ATXN7L1: variants seen among roughly 807,000 people sequenced by gnomAD.
ATXN7L1 encodes the protein ataxin-7-like protein 1.
ATXN7L1 carries 15 observed loss-of-function variants against 70.8 expected under a neutral mutation model. That is an observed-to-expected ratio of 0.21 (90% CI 0.14 to 0.33). The LOEUF (loss-of-function observed/expected upper bound fraction) is 0.33. Ranked by LOEUF, ATXN7L1 falls within the 10% of genes least tolerant of loss-of-function variation. The probability of loss-of-function intolerance (pLI) is 1.00; values close to 1 mark genes in which losing one functional copy is unlikely to be tolerated. For missense variants in ATXN7L1, 975 were observed against 1,097.1 expected, an observed-to-expected ratio of 0.89 and a Z score of 1.57; for synonymous variants, 440 against 445.1, an observed-to-expected ratio of 0.99 and a Z score of 0.14.
chr7:105,742,921 C>T (rs866636662), intron 3 of ATXN7L1, among the ~76,000 whole-genome samples: 3 of 152,090 alleles, frequency 2.0e-5, no homozygotes, highest in African/African-American at 7.2e-5. Flanking sequence ...TCCCACGATT[C>T]ACCTCTCCCC....
At chr7:105,637,816 C>T (rs182195050) in intron 7 of ATXN7L1, among the ~76,000 whole-genome samples, 15 of 152,332 alleles carry the variant, frequency 9.8e-5, no homozygotes, top group Non-Finnish European at 2.2e-4. Context: ...ACAACCTCTG[C>T]TATGCCAATT....
intron 9 of ATXN7L1, among the ~76,000 whole-genome samples, chr7:105,615,633 A>G (rs982501593): frequency 3.9e-5 from 6 of 152,262 alleles, no homozygotes; most frequent in Admixed American, 3.9e-4. Context: ...CACACCCCAC[A>G]CGGGTCTTCT....
At chr7:105,686,098 C>T (rs1325027493) in intron 3 of ATXN7L1, among the ~76,000 whole-genome samples, 2 of 151,374 alleles carry the variant, frequency 1.3e-5, no homozygotes, top group African/African-American at 4.9e-5. Flanking sequence ...GTTAGTTTCC[C>T]AACTTCCAGG....
chr7:105,848,319 A>G (rs1252550546), intron 2 of ATXN7L1, among the ~76,000 whole-genome samples: 1 of 152,208 alleles, frequency 6.6e-6, no homozygotes, highest in African/African-American at 2.4e-5. Context: ...CTAGAGGGCA[A>G]TTTAGCAATG....
chr7:105,613,926 T>A lies in ATXN7L1; in HGVS notation c.2408A>T (p.Lys803Ile). 1 of 1,552,178 alleles carries A rather than the reference T, an allele frequency of 6.4e-7. No homozygotes were observed. Among genetic ancestry groups the A allele is most frequent in the Non-Finnish European group, 8.7e-7 (1 of 1,147,036 alleles). Reference sequence around the variant, plus strand: ...TGCGAGAAGGCTGGGCGGGTTCTTTTTGTGAACGCTATTCATACCAGGCAT... The same window carrying A: ...TGCGAGAAGGCTGGGCGGGTTCTTTATGTGAACGCTATTCATACCAGGCAT... The part of the protein sequence containing the change: ...TKMPGMNSVH[K>I]KNPPSLLAPV... Residue 803 changes from lysine (K) to isoleucine (I), a missense_variant, in exon 10 of 12, where the codon AAA becomes ATA. Around this residue, in one of 5 missense-constraint regions of ATXN7L1, gnomAD observed 635 missense variants for 699.4 expected, o/e 0.91. Coordinates refer to ENST00000419735, the MANE Select transcript of ATXN7L1 (RefSeq NM_020725.2).
chr7:105,692,426 C>CTTCCTTCCT (rs371411874), intron 3 of ATXN7L1, among the ~76,000 whole-genome samples: 2 of 99,348 alleles, frequency 2.0e-5, no homozygotes, highest in African/African-American at 4.2e-5. Context: ...TCCTTCCTTC[C>CTTCCTTCCT]TCCCTCCCTC....
intron 2 of ATXN7L1, among the ~76,000 whole-genome samples, chr7:105,848,157 T>C (rs563305999): frequency 4.1e-4 from 62 of 152,354 alleles, no homozygotes; most frequent in Admixed American, 2.7e-3. Context: ...TCAACCTTAT[T>C]AGTAATCATA....
At chr7:105,875,714 G>A in intron 2 of ATXN7L1, 98 bp downstream of exon 2, 1 of 1,162,922 alleles carries the variant, frequency 8.6e-7, no homozygotes, top group South Asian at 1.3e-5. Flanking sequence ...ACAAGCCTTA[G>A]TCACTCTGTA....
chr7:105,874,326 A>C (rs1428250122), intron 2 of ATXN7L1, among the ~76,000 whole-genome samples: 1 of 152,122 alleles, frequency 6.6e-6, no homozygotes. Context: ...AGATTTCCAC[A>C]GCCTCATCAT....
intron 2 of ATXN7L1, among the ~76,000 whole-genome samples, chr7:105,860,154 T>C (rs1816389160): frequency 7.1e-6 from 1 of 139,980 alleles, no homozygotes; most frequent in African/African-American, 2.8e-5. Flanking sequence ...TATACATATA[T>C]ATATATATAT....
intron 4 of ATXN7L1, among the ~76,000 whole-genome samples, chr7:105,647,459 C>A (rs1046601850): frequency 2.6e-5 from 4 of 152,266 alleles, no homozygotes; most frequent in Non-Finnish European, 5.9e-5. Flanking sequence ...ACCAGCCTGA[C>A]CAACATGGTG....
intron 3 of ATXN7L1, among the ~76,000 whole-genome samples, chr7:105,774,433 C>T (rs1802443256): frequency 6.7e-6 from 1 of 148,870 alleles, no homozygotes; most frequent in Non-Finnish European, 1.5e-5. Context: ...CTCACTGAAA[C>T]CTCCACCTCC....
chr7:105,758,967 T>A (rs993881788), intron 3 of ATXN7L1, among the ~76,000 whole-genome samples: 2 of 152,106 alleles, frequency 1.3e-5, no homozygotes, highest in African/African-American at 4.8e-5. Flanking sequence ...AGGGGGTCCG[T>A]GGGGTGGCCG....
rs374442059 is a variant in ATXN7L1, at chr7:105,707,646, A to G, written c.356-42358T>C. On this transcript the variant is annotated intron_variant, in intron 3 of 11. Transcript: ENST00000419735. ...GGCCTTAAAAGAGCAACAACACAGC[A>G]ACAACCCTATCACCACTGTGGTCAC... 1.1e-4 allele frequency among the ~76,000 whole-genome samples: 16 copies of G among 152,332 alleles called. No individual in the cohort carries two copies. The East Asian group carries it at 2.1e-3, about 20-fold the overall frequency.
intron 3 of ATXN7L1, among the ~76,000 whole-genome samples, chr7:105,786,049 C>T (rs1804246450): frequency 6.6e-6 from 1 of 152,248 alleles, no homozygotes; most frequent in South Asian, 2.1e-4. Flanking sequence ...CTAACCTCTG[C>T]TTTGCACTCT....
chr7:105,788,522 C>T, intron 3 of ATXN7L1, 82 bp downstream of exon 3: 1 of 1,138,084 alleles, frequency 8.8e-7, no homozygotes, highest in South Asian at 1.2e-5. Flanking sequence ...CATGGCGAGA[C>T]CCTGTCGGGG....
chr7:105,700,234 G>A (rs1429832617), intron 3 of ATXN7L1, among the ~76,000 whole-genome samples: 2 of 152,060 alleles, frequency 1.3e-5, no homozygotes, highest in Admixed American at 6.6e-5. Context: ...GGCTGGGCGC[G>A]GTGGCTCATG....
chr7:105,787,015 G>A (rs1489144348), intron 3 of ATXN7L1, among the ~76,000 whole-genome samples: 1 of 151,996 alleles, frequency 6.6e-6, no homozygotes, highest in Non-Finnish European at 1.5e-5. Flanking sequence ...GGACCTTCTT[G>A]CCATGGCTCT....
chr7:105,634,517 A>C (rs774334154), intron 7 of ATXN7L1, among the ~76,000 whole-genome samples: 13 of 152,048 alleles, frequency 8.5e-5, no homozygotes, highest in Non-Finnish European at 1.3e-4. Context: ...CTTAGATGAG[A>C]ATTTTTTTTT....
Sources: allele counts gnomAD v4.1 joint callset (sites outside exome capture counted in the v4.1 genomes callset), GRCh38; gene constraint gnomAD v4.1.1; regional missense constraint gnomAD v4.1.1; transcripts MANE v1.5; gene names NCBI Gene and HGNC (gene_info 2026-07-23, HGNC 2026-07-21).